BRWD1: variants seen among roughly 807,000 people sequenced by gnomAD.
BRWD1 encodes bromodomain and WD repeat-containing protein 1.
BRWD1 carries 82 observed loss-of-function variants against 251.2 expected under a neutral mutation model. That is an observed-to-expected ratio of 0.33 (90% CI 0.27 to 0.39). BRWD1 has a LOEUF of 0.39. Among genes scored for constraint, BRWD1 ranks in the 10% least tolerant of loss-of-function variants. The pLI is 1.00. For synonymous variants in BRWD1, 918 were observed against 902.8 expected, an observed-to-expected ratio of 1.02 and a Z score of -0.30; for missense variants, 2,233 against 2,711.6, an observed-to-expected ratio of 0.82 and a Z score of 3.92.
At position 39,192,855 on chromosome 21, in the gene BRWD1, A is replaced by T; in HGVS notation, c.*3404T>A. ...GGCACAATCAAGTTCAACTTGTACTAACAGAAAATATTAAAATTCTTCCTA... is the reference window on the plus strand; with the variant it reads ...GGCACAATCAAGTTCAACTTGTACTTACAGAAAATATTAAAATTCTTCCTA... On this transcript the variant is annotated 3_prime_UTR_variant, in exon 41 of 41. Transcript: ENST00000342449. 1.0e-6 allele frequency: 1 copy of T among 981,960 alleles called. No individual in the cohort carries two copies. The highest frequency in any genetic ancestry group is 1.2e-6 in the Non-Finnish European group (1 of 828,330). 60.8% of individuals were successfully genotyped at this position (981,960 alleles called of 1,614,324 possible). A position where few individuals can be genotyped will look rare whatever the true frequency, so the allele number is the denominator to read the frequency against.
chr21:39,296,367 T>C lies in BRWD1; in HGVS notation c.350-4A>G. 1 of 1,558,052 alleles carries C rather than the reference T, an allele frequency of 6.4e-7. No homozygotes were observed. The highest frequency in any genetic ancestry group is 8.6e-7 in the Non-Finnish European group (1 of 1,157,982). On this transcript the variant is annotated splice_region_variant and splice_polypyrimidine_tract_variant and intron_variant, in intron 5 of 40. Transcript: ENST00000342449. Reference sequence around the variant, plus strand: ...TTCCAAACTGTGTGCCTGCAGTCTTTAAAATGAATTTTAGATACACATAAA... The same window carrying C: ...TTCCAAACTGTGTGCCTGCAGTCTTCAAAATGAATTTTAGATACACATAAA...
chr21:39,184,324 T>G (rs1245767385), downstream of BRWD1: 1 of 152,264 alleles, frequency 6.6e-6, no homozygotes, highest in Non-Finnish European at 1.5e-5. Context: ...ATGTTTCTTT[T>G]TAAATAGCCT....
intron 21 of BRWD1, among the ~76,000 whole-genome samples, chr21:39,244,726 G>A (rs556711660): frequency 1.3e-5 from 2 of 151,894 alleles, no homozygotes; most frequent in Admixed American, 6.6e-5. Flanking sequence ...ACTGTGTTGG[G>A]CAAATTCAAG....
intron 19 of BRWD1, among the ~76,000 whole-genome samples, chr21:39,254,914 AAC>A (rs2034512083): frequency 6.6e-6 from 1 of 152,214 alleles, no homozygotes; most frequent in Admixed American, 6.5e-5. Context: ...TGGAAATTTA[AAC>A]ACAGCCTGGA....
chr21:39,247,041 G>GCA (rs2034216065), intron 21 of BRWD1, among the ~76,000 whole-genome samples: 1 of 151,412 alleles, frequency 6.6e-6, no homozygotes, highest in Admixed American at 6.6e-5. Context: ...TCGCGCCACT[G>GCA]CACTGCAGCC....
rs1399006883 is a variant in BRWD1 at position 39,313,281 on chromosome 21, G to C, written c.68C>G (p.Ala23Gly). 1 of 1,560,350 alleles carries C rather than the reference G, an allele frequency of 6.4e-7. No individual in the cohort carries two copies. Among genetic ancestry groups the C allele is most frequent in the Non-Finnish European group, 8.7e-7 (1 of 1,147,902 alleles). ...ACACGGGCCCGCCGATAGGTACCGGGCGATAAGGAAGTACAGCTCTGCGGG... is the reference window on the plus strand; with the variant it reads ...ACACGGGCCCGCCGATAGGTACCGGCCGATAAGGAAGTACAGCTCTGCGGG... ...LIESELYFLI[A>G]RYLSAGPCRR... The change falls in exon 2 of 41, where the codon GCC becomes GGC. Residue 23 changes from alanine to glycine, a missense_variant. This residue lies in a region of BRWD1 where 101 missense variants were observed against 95.6 expected (regional missense o/e 1.06). Transcript: ENST00000342449.
intron 8 of BRWD1, among the ~76,000 whole-genome samples, chr21:39,286,261 G>A (rs2035635478): frequency 6.6e-6 from 1 of 151,896 alleles, no homozygotes; most frequent in African/African-American, 2.4e-5. Flanking sequence ...CTCGTGATCT[G>A]CCCGCCTCGG....
chr21:39,231,720 T>C (rs1325221153), intron 25 of BRWD1, among the ~76,000 whole-genome samples: 1 of 152,226 alleles, frequency 6.6e-6, no homozygotes, highest in African/African-American at 2.4e-5. Flanking sequence ...TGCTAAAATG[T>C]GGAATTCTTT....
Position 39,240,908 on chromosome 21 carries a change from T to TG in BRWD1, c.2482-2336_2482-2335insC, listed in dbSNP as rs960396862. ...CCACAGGGTAAGTAAATCTTTTTTTTTTTGTTTTTTGAGACAGAGTTTCAC... is the reference window on the plus strand; with the variant it reads ...CCACAGGGTAAGTAAATCTTTTTTTTGTTTGTTTTTTGAGACAGAGTTTCAC... On this transcript the variant is annotated intron_variant, in intron 21 of 40. Transcript: ENST00000342449. Among the ~76,000 whole-genome samples the TG allele has an allele frequency of 9.5e-4, 144 of 151,032 alleles. 1 individual carries two copies. Among genetic ancestry groups the TG allele is most frequent in the African/African-American group, 1.1e-3 (44 of 40,650 alleles).
upstream of BRWD1, chr21:39,314,790 G>T (rs1428068624): frequency 6.1e-6 from 1 of 163,814 alleles, no homozygotes; most frequent in Non-Finnish European, 1.3e-5. Flanking sequence ...AGGACTCACT[G>T]CCTGCACCTT....
intron 25 of BRWD1, among the ~76,000 whole-genome samples, chr21:39,231,733 T>C (rs1454638458): frequency 1.3e-5 from 2 of 152,216 alleles, no homozygotes; most frequent in African/African-American, 2.4e-5. Context: ...AATTCTTTCT[T>C]GAGCTAAAAA....
At chr21:39,259,623 A>G (rs2034675987) in intron 17 of BRWD1, among the ~76,000 whole-genome samples, 1 of 152,070 alleles carries the variant, frequency 6.6e-6, no homozygotes, top group African/African-American at 2.4e-5. Flanking sequence ...TTTGGAGGCC[A>G]AGGCAGGTGG....
Position 39,236,580 on chromosome 21 carries a change from A to T in BRWD1, c.2766+15T>A. 6.4e-7 allele frequency: 1 copy of T among 1,557,962 alleles called. No homozygotes were observed. Among genetic ancestry groups the T allele is most frequent in the Non-Finnish European group, 8.7e-7 (1 of 1,145,760 alleles). Reference sequence around the variant, plus strand: ...ATCATGATACATGCTATTTTTAAAGATACGTTTTTCTTACCTCCTTCTTAG... The same window carrying T: ...ATCATGATACATGCTATTTTTAAAGTTACGTTTTTCTTACCTCCTTCTTAG... On this transcript the variant is annotated intron_variant, in intron 23 of 40. Transcript: ENST00000342449.
At chr21:39,307,324 T>G (rs2036318797) in intron 4 of BRWD1, among the ~76,000 whole-genome samples, 1 of 152,168 alleles carries the variant, frequency 6.6e-6, no homozygotes, top group South Asian at 2.1e-4. Context: ...GTAAATAGAT[T>G]TCAAATTTAT....
At chr21:39,263,909 T>C (rs2034835656) in intron 17 of BRWD1, among the ~76,000 whole-genome samples, 1 of 152,184 alleles carries the variant, frequency 6.6e-6, no homozygotes, top group Non-Finnish European at 1.5e-5. Context: ...TAGAACATCA[T>C]TTATGTTGTA....
intron 4 of BRWD1, among the ~76,000 whole-genome samples, chr21:39,309,780 G>A (rs371529554): frequency 1.5e-5 from 2 of 137,574 alleles, no homozygotes; most frequent in Non-Finnish European, 3.0e-5. Context: ...AGCCGAGATC[G>A]CACCGCTGCA....
chr21:39,217,240 C>T (rs2032992250), intron 31 of BRWD1: 1 of 152,150 alleles, frequency 6.6e-6, no homozygotes, highest in South Asian at 2.1e-4. Context: ...CGATTACAGG[C>T]ACGTGCCACC....
chr21:39,213,080 T>C (rs1218807039), intron 33 of BRWD1, among the ~76,000 whole-genome samples: 1 of 152,162 alleles, frequency 6.6e-6, no homozygotes, highest in Non-Finnish European at 1.5e-5. Context: ...AGGCATGCAC[T>C]ACCACCCCCA....
At chr21:39,245,571 A>G (rs776844050) in intron 21 of BRWD1, among the ~76,000 whole-genome samples, 10 of 151,284 alleles carry the variant, frequency 6.6e-5, no homozygotes, top group Non-Finnish European at 1.2e-4. Context: ...GGAAATTTTA[A>G]CACTGTAGTA....
Sources: gnomAD v4.1 joint callset for allele counts (sites outside exome capture counted in the v4.1 genomes callset) on GRCh38, gnomAD v4.1.1 for gene constraint, gnomAD v4.1.1 regional missense constraint, MANE v1.5 for transcripts, NCBI Gene and HGNC (gene_info 2026-07-23, HGNC 2026-07-21) for gene names.